Variants in TXLNB observed in about 807,000 individuals in gnomAD.
The protein encoded by TXLNB is beta-taxilin.
Under a neutral mutation model 57.4 loss-of-function variants are expected in TXLNB, and 37 were observed. The ratio of observed to expected loss-of-function variants is 0.64; its 90% CI spans 0.50 to 0.85. The LOEUF (loss-of-function observed/expected upper bound fraction) is 0.85, where lower values mean the gene tolerates loss of function less well. Among genes scored for constraint, TXLNB ranks in the 40% least tolerant of loss-of-function variants. The probability of loss-of-function intolerance (pLI) is 0.00; values close to 1 mark genes in which losing one functional copy is unlikely to be tolerated. For synonymous variants in TXLNB, 302 were observed against 309.6 expected (o/e 0.98, Z 0.26); for missense variants, 848 against 825.6 (o/e 1.03, Z -0.33).
At chr6:139,249,045 A>G (rs1776131785) in intron 7 of TXLNB, among the ~76,000 whole-genome samples, 1 of 152,258 alleles carries the variant, frequency 6.6e-6, no homozygotes, top group African/African-American at 2.4e-5. Flanking sequence ...GTCTTGAAAA[A>G]GAGATGCCTT....
intron 7 of TXLNB, among the ~76,000 whole-genome samples, chr6:139,252,773 C>T (rs1219010680): frequency 2.6e-5 from 4 of 152,198 alleles, no homozygotes; most frequent in Admixed American, 1.3e-4. Context: ...GGGCTGATCA[C>T]GAGGCCAGGA....
At chr6:139,201,482 G>A in the TXLNB span, among the ~76,000 whole-genome samples, 1 of 151,942 alleles carries the variant, frequency 6.6e-6, no homozygotes. Flanking sequence ...TTTGTATTAT[G>A]TTGTTTTTTT....
At chr6:139,244,467 C>T in intron 9 of TXLNB, 128 bp downstream of exon 9, 1 of 672,660 alleles carries the variant, frequency 1.5e-6, no homozygotes, top group African/African-American at 1.8e-5. Flanking sequence ...ATGTCACATC[C>T]TGCCACCCCA....
chr6:139,273,655 G>T (rs1347891276), intron 3 of TXLNB, among the ~76,000 whole-genome samples: 1 of 152,020 alleles, frequency 6.6e-6, no homozygotes, highest in Admixed American at 6.6e-5. Flanking sequence ...ATGGGTTCTT[G>T]CCATATTGTC....
At chr6:139,173,968 CAA>C in the TXLNB span, among the ~76,000 whole-genome samples, 2 of 152,270 alleles carry the variant, frequency 1.3e-5, no homozygotes, top group African/African-American at 4.8e-5. Flanking sequence ...GGACTTGTCA[CAA>C]GAGAGCTTGT....
At chr6:139,195,573 C>T in the TXLNB span, among the ~76,000 whole-genome samples, 2 of 152,082 alleles carry the variant, frequency 1.3e-5, no homozygotes, top group African/African-American at 4.8e-5. Context: ...TTCAAAAGAA[C>T]CAGAAAAACC....
the TXLNB span, among the ~76,000 whole-genome samples, chr6:139,188,968 CT>C: frequency 6.6e-6 from 1 of 152,162 alleles, no homozygotes; most frequent in Admixed American, 6.5e-5. Flanking sequence ...ATTGGCCAGG[CT>C]GGCCTCAAAC....
the TXLNB span, chr6:139,177,411 G>T: frequency 9.9e-6 from 2 of 201,476 alleles, no homozygotes; most frequent in African/African-American, 4.6e-5. The surrounding 1 kb of genome is among the most constrained non-coding windows in gnomAD (Gnocchi z 4.9). Flanking sequence ...AAAGGAATTT[G>T]TGGTTATAAA....
the TXLNB span, among the ~76,000 whole-genome samples, chr6:139,298,675 A>T: frequency 6.6e-6 from 1 of 152,254 alleles, no homozygotes; most frequent in Non-Finnish European, 1.5e-5. Flanking sequence ...CAACCCCTGC[A>T]TGCCAGCAAG....
the TXLNB span, among the ~76,000 whole-genome samples, chr6:139,302,800 GA>G: frequency 4.7e-5 from 7 of 149,278 alleles, no homozygotes; most frequent in Admixed American, 1.3e-4. Context: ...AAAGAAAAAA[GA>G]AAAAAAAACC....
the TXLNB span, chr6:139,183,587 A>G: frequency 6.6e-6 from 1 of 152,246 alleles, no homozygotes; most frequent in East Asian, 1.9e-4. Flanking sequence ...TAAAGGAAAG[A>G]AAATGTCAAT....
At chr6:139,277,317 A>C (rs1334975484) in intron 2 of TXLNB, 1 of 155,676 alleles carries the variant, frequency 6.4e-6, no homozygotes, top group Non-Finnish European at 1.4e-5. Flanking sequence ...AGGAAGCAAA[A>C]CAGCCAATCA....
chr6:139,210,889 G>A, the TXLNB span, among the ~76,000 whole-genome samples: 26,091 of 152,188 alleles, frequency 0.17, 2,332 homozygotes, highest in East Asian at 0.26. Flanking sequence ...CATTACTAGC[G>A]CAGCAGTCTG....
At chr6:139,167,918 A>G in the TXLNB span, among the ~76,000 whole-genome samples, 25 of 152,316 alleles carry the variant, frequency 1.6e-4, no homozygotes, top group African/African-American at 5.5e-4. Flanking sequence ...TTTCAGCCAT[A>G]AATTGAATGA....
chr6:139,185,211 C>A, the TXLNB span, among the ~76,000 whole-genome samples: 1 of 152,032 alleles, frequency 6.6e-6, no homozygotes, highest in Non-Finnish European at 1.5e-5. Flanking sequence ...TAATGGAGAT[C>A]ACAAAGTTAC....
At chr6:139,216,637 T>TA in the TXLNB span, among the ~76,000 whole-genome samples, 2 of 151,948 alleles carry the variant, frequency 1.3e-5, no homozygotes, top group Admixed American at 1.3e-4. Context: ...ATAATAATTT[T>TA]AAAAAAAGAA....
the TXLNB span, among the ~76,000 whole-genome samples, chr6:139,308,333 T>C: frequency 6.6e-6 from 1 of 152,164 alleles, no homozygotes; most frequent in Non-Finnish European, 1.5e-5. Flanking sequence ...TGAAGACCAC[T>C]GCATCACTAT....
At chr6:139,202,595 T>C in the TXLNB span, among the ~76,000 whole-genome samples, 539 of 152,346 alleles carry the variant, frequency 3.5e-3, 3 homozygotes, top group African/African-American at 0.012. Flanking sequence ...GTAATAATTG[T>C]ACATATTTAT....
chr6:139,315,489 GTATCTC>G, the TXLNB span, among the ~76,000 whole-genome samples: 1 of 152,148 alleles, frequency 6.6e-6, no homozygotes, highest in Non-Finnish European at 1.5e-5. Flanking sequence ...TAAAATTCAT[GTATCTC>G]TGCATTCTTT....
Sources: allele counts gnomAD v4.1 joint callset (sites outside exome capture counted in the v4.1 genomes callset), GRCh38; gene constraint gnomAD v4.1.1; non-coding constraint Gnocchi (gnomAD v3.1); transcripts MANE v1.5; gene names NCBI Gene and HGNC (gene_info 2026-07-23, HGNC 2026-07-21).